The following ABLIM1 variants were observed in gnomAD, a reference collection of about 807,000 sequenced individuals.
ABLIM1 encodes the protein actin-binding LIM protein 1.
Under a neutral mutation model 107.0 loss-of-function variants are expected in ABLIM1, and 40 were observed. The observed-to-expected ratio is 0.37, with a 90% CI of 0.29 to 0.49. The LOEUF is 0.49. Among genes scored for constraint, ABLIM1 ranks in the 20% least tolerant of loss-of-function variants. ABLIM1 has a pLI of 0.97. For missense variants in ABLIM1, 857 were observed against 1,008.5 expected (o/e 0.85, Z 2.04); for synonymous variants, 357 against 357.3 (o/e 1.00, Z 0.01).
intron 6 of ABLIM1, among the ~76,000 whole-genome samples, chr10:114,525,774 T>C (rs148928494): frequency 7.5e-4 from 115 of 152,322 alleles, no homozygotes; most frequent in African/African-American, 2.6e-3. Flanking sequence ...CTCAGCTAAG[T>C]GACAAATGAA....
intron 1 of ABLIM1, among the ~76,000 whole-genome samples, chr10:114,743,239 T>A (rs900404482): frequency 6.6e-6 from 1 of 152,162 alleles, no homozygotes; most frequent in Non-Finnish European, 1.5e-5. Context: ...ATTCTACTGG[T>A]GTTGATTCTG....
intron 1 of ABLIM1, among the ~76,000 whole-genome samples, chr10:114,605,053 A>G (rs1186919013): frequency 6.6e-6 from 1 of 152,168 alleles, no homozygotes; most frequent in African/African-American, 2.4e-5. Flanking sequence ...TCACCCACAG[A>G]CTAGACTGTG....
chr10:114,648,968 C>T (rs2079122109), intron 1 of ABLIM1, among the ~76,000 whole-genome samples: 1 of 152,082 alleles, frequency 6.6e-6, no homozygotes, highest in Non-Finnish European at 1.5e-5. Context: ...AATTAATAAT[C>T]CTTTGGTCTT....
Position 114,707,229 on chromosome 10 carries a change from C to T in ABLIM1, c.-213+60832G>A, listed in dbSNP as rs1314326748. Among the ~76,000 whole-genome samples, 2 of 152,170 alleles carry T rather than the reference C, an allele frequency of 1.3e-5. No homozygotes were observed. Among genetic ancestry groups the T allele is most frequent in the East Asian group, 3.9e-4 (2 of 5,170 alleles). On this transcript the variant is annotated intron_variant, in intron 1 of 15. Transcript: ENST00000651092. The surrounding 1 kb of genome is among the most constrained non-coding windows in gnomAD (Gnocchi z 4.1). The stretch of plus-strand genomic sequence containing the variant: ...ATCCCAAAGTTCTCCAGTAAGGGTT[C>T]AGTTTTTTGCTGTTGTTGCTGTTGA...
At chr10:114,648,893 G>C (rs1024055600) in intron 1 of ABLIM1, among the ~76,000 whole-genome samples, 17 of 151,918 alleles carry the variant, frequency 1.1e-4, no homozygotes, top group African/African-American at 4.1e-4. Context: ...AAAGAGGAGA[G>C]GTCTGGAGAG....
At chr10:114,689,488 A>C (rs941595786), upstream of ABLIM1, among the ~76,000 whole-genome samples, 1 of 149,926 alleles carries the variant, frequency 6.7e-6, no homozygotes, top group Non-Finnish European at 1.5e-5. Flanking sequence ...CAGCCTCCCG[A>C]GTAGCTGGGA....
chr10:114,475,375 T>C (rs537048004), intron 8 of ABLIM1, among the ~76,000 whole-genome samples: 1 of 152,344 alleles, frequency 6.6e-6, no homozygotes, highest in East Asian at 1.9e-4. Context: ...TCTCTCATAG[T>C]GTCATTCTTT....
intron 7 of ABLIM1, among the ~76,000 whole-genome samples, chr10:114,488,788 A>T (rs1026017293): frequency 8.5e-5 from 13 of 152,350 alleles, no homozygotes; most frequent in Non-Finnish European, 1.8e-4. Context: ...ATGCCTGCTC[A>T]TATGATTTTG....
chr10:114,527,678 G>C (rs1193571747), intron 6 of ABLIM1, among the ~76,000 whole-genome samples: 1 of 45,140 alleles, frequency 2.2e-5, no homozygotes, highest in African/African-American at 1.1e-4. Context: ...TTTTTTTTTT[G>C]AGATGGGATC....
intron 1 of ABLIM1, among the ~76,000 whole-genome samples, chr10:114,667,839 T>C (rs760746077): frequency 2.6e-5 from 4 of 152,258 alleles, no homozygotes; most frequent in Non-Finnish European, 5.9e-5. Flanking sequence ...CATTGAGTTT[T>C]ACCTCTAGCA....
chr10:114,567,535 G>T (rs2070935123), intron 4 of ABLIM1, among the ~76,000 whole-genome samples: 1 of 152,344 alleles, frequency 6.6e-6, no homozygotes, highest in East Asian at 1.9e-4. Flanking sequence ...GCAAGGTGGA[G>T]GAAGCACTGA....
intron 8 of ABLIM1, among the ~76,000 whole-genome samples, chr10:114,487,001 C>T (rs2058290860): frequency 6.6e-6 from 1 of 152,190 alleles, no homozygotes; most frequent in South Asian, 2.1e-4. Context: ...AAAGGCAGAG[C>T]GAATGGGTCT....
At chr10:114,444,260 T>C (rs1480707842) in intron 16 of ABLIM1, 126 bp from the exon 17 acceptor site, 1 of 770,038 alleles carries the variant, frequency 1.3e-6, no homozygotes, top group Non-Finnish European at 2.0e-6. Context: ...CCTGAATGCA[T>C]GTGGCCCCAG....
intron 2 of ABLIM1, among the ~76,000 whole-genome samples, chr10:114,592,561 GA>G (rs1467781286): frequency 6.6e-6 from 1 of 152,076 alleles, no homozygotes; most frequent in Non-Finnish European, 1.5e-5. Context: ...CTGTTGCATT[GA>G]AAATAAACTG....
intron 6 of ABLIM1, among the ~76,000 whole-genome samples, chr10:114,538,812 T>C (rs2066318687): frequency 6.6e-6 from 1 of 152,160 alleles, no homozygotes; most frequent in South Asian, 2.1e-4. Flanking sequence ...GCCTTTGTCC[T>C]GAGTGAACCA....
At chr10:114,726,753 C>A (rs374575494) in intron 1 of ABLIM1, among the ~76,000 whole-genome samples, 2 of 152,018 alleles carry the variant, frequency 1.3e-5, no homozygotes, top group East Asian at 3.9e-4. Context: ...TGCACTCCAG[C>A]CTGGTCAGTA....
intron 1 of ABLIM1, among the ~76,000 whole-genome samples, chr10:114,657,170 G>A (rs2079562815): frequency 6.6e-6 from 1 of 152,190 alleles, no homozygotes; most frequent in African/African-American, 2.4e-5. Flanking sequence ...GGCTGTCCAA[G>A]AATGACGAGG....
chr10:114,500,722 GGAAGGGAAA>G (rs2060290181), intron 6 of ABLIM1, among the ~76,000 whole-genome samples: 2 of 117,260 alleles, frequency 1.7e-5, no homozygotes, highest in South Asian at 2.8e-4. Context: ...GGAAGGGAAA[GGAAGGGAAA>G]GGAAGGGAAG....
chr10:114,543,664 C>T (rs1386323107), intron 6 of ABLIM1, among the ~76,000 whole-genome samples: 1 of 152,224 alleles, frequency 6.6e-6, no homozygotes, highest in Admixed American at 6.5e-5. Flanking sequence ...ACATGACACT[C>T]CAGCTACAAG....
Sources: allele counts gnomAD v4.1 joint callset (sites outside exome capture counted in the v4.1 genomes callset), GRCh38; gene constraint gnomAD v4.1.1; non-coding constraint Gnocchi (gnomAD v3.1); transcripts MANE v1.5; gene names NCBI Gene and HGNC (gene_info 2026-07-23, HGNC 2026-07-21).